The following KAZN variants were observed in gnomAD, a reference collection of about 807,000 sequenced individuals.
KAZN encodes the protein kazrin.
KAZN carries 40 observed loss-of-function variants against 87.4 expected under a neutral mutation model. The observed-to-expected ratio is 0.46, with a 90% CI of 0.36 to 0.60. The LOEUF is 0.60. Among genes scored for constraint, KAZN ranks in the 20% least tolerant of loss-of-function variants. The pLI, the probability that KAZN is intolerant of heterozygous loss-of-function variation, is 0.00. For missense variants in KAZN, 898 were observed against 1,073.9 expected (o/e 0.84, Z 2.29); for synonymous variants, 466 against 458.3 (o/e 1.02, Z -0.22).
At chr1:14,385,401 T>C (rs188555706) in intron 2 of KAZN, among the ~76,000 whole-genome samples, 2 of 152,338 alleles carry the variant, frequency 1.3e-5, no homozygotes, top group East Asian at 3.9e-4. Flanking sequence ...TTAATTGTGA[T>C]GGTAGGGTGT....
chr1:14,611,392 T>A (rs1449036169), intron 1 of KAZN, among the ~76,000 whole-genome samples: 3 of 152,220 alleles, frequency 2.0e-5, no homozygotes, highest in Admixed American at 2.0e-4. Flanking sequence ...TCAAAATGTG[T>A]TGGGGCTTTT....
chr1:14,112,995 C>T (rs138065079), intron 1 of KAZN, among the ~76,000 whole-genome samples: 1 of 152,194 alleles, frequency 6.6e-6, no homozygotes, highest in African/African-American at 2.4e-5. Context: ...AAAGACTTTG[C>T]CCAAGTGTCT....
At chr1:14,049,450 A>G (rs1001155805) in intron 1 of KAZN, among the ~76,000 whole-genome samples, 3 of 152,332 alleles carry the variant, frequency 2.0e-5, no homozygotes, top group Admixed American at 2.0e-4. Flanking sequence ...CATGTACCCT[A>G]AAACTTAAAG....
At chr1:15,106,635 TGATAA>T (rs990222990) in intron 13 of KAZN, among the ~76,000 whole-genome samples, 2 of 152,092 alleles carry the variant, frequency 1.3e-5, no homozygotes, top group African/African-American at 4.8e-5. Context: ...AACCTCTCAA[TGATAA>T]GATAAGAGGG....
At chr1:15,113,235 G>A (rs1371460812) in intron 14 of KAZN, 1 of 152,100 alleles carries the variant, frequency 6.6e-6, no homozygotes, top group African/African-American at 2.4e-5. Flanking sequence ...AATTGGGGCT[G>A]ATATTGCCCC....
chr1:14,659,080 A>C lies in KAZN; in HGVS notation c.226+59857A>C, dbSNP rs183041271. Among the ~76,000 whole-genome samples the C allele has an allele frequency of 3.9e-3, 588 of 152,190 alleles. 14 individuals are homozygous for C. In the East Asian group the frequency reaches 0.042, roughly 11 times the overall value. On this transcript the variant is annotated intron_variant, in intron 1 of 14. Transcript: ENST00000376030. ...TGGTGAAACCCCATCTCTACTGAAAATACAAAAATTACCTGGGCATGGCGG... is the reference window on the plus strand; with the variant it reads ...TGGTGAAACCCCATCTCTACTGAAACTACAAAAATTACCTGGGCATGGCGG...
In KAZN at chr1:14,326,703, C is replaced by A. The variant is rs537557928; in HGVS notation, c.249+146111C>A. Among the ~76,000 whole-genome samples, 19 of 152,334 alleles carry A rather than the reference C, an allele frequency of 1.2e-4. No homozygotes were observed. The South Asian group carries it at 3.9e-3, about 32-fold the overall frequency. Reference sequence around the variant, plus strand: ...CATCCTTCCCTGTGCTTGGGTCACCCTGGACCCCTGAATGTCCCTTAATCT... The same window carrying A: ...CATCCTTCCCTGTGCTTGGGTCACCATGGACCCCTGAATGTCCCTTAATCT... On this transcript the variant is annotated intron_variant, in intron 2 of 16. Transcript: ENST00000636203.
chr1:14,188,546 G>A (rs576086855), intron 2 of KAZN, among the ~76,000 whole-genome samples: 9 of 152,086 alleles, frequency 5.9e-5, no homozygotes, highest in Non-Finnish European at 1.2e-4. Context: ...AGAGTTGTTC[G>A]AATTTCATGA....
At chr1:14,326,678 C>A (rs1656449028) in intron 2 of KAZN, among the ~76,000 whole-genome samples, 1 of 152,204 alleles carries the variant, frequency 6.6e-6, no homozygotes, top group African/African-American at 2.4e-5. Context: ...CCACTCCCTG[C>A]ATCCTTCCCT....
chr1:15,036,019 T>TC (rs925823372), intron 3 of KAZN, among the ~76,000 whole-genome samples: 1 of 151,656 alleles, frequency 6.6e-6, no homozygotes, highest in Non-Finnish European at 1.5e-5. Flanking sequence ...AGATGCTTGG[T>TC]CCCCCCTACC....
At position 14,018,569 on chromosome 1, in the gene KAZN, G is replaced by A. The variant is rs575861294; in HGVS notation, c.91+124813G>A. On this transcript the variant is annotated intron_variant, in intron 1 of 16. Transcript: ENST00000636203. Reference sequence around the variant, plus strand: ...AAGCACTGCCTTTGGGTGTGTCTGTGCGGGTGTTTTCAGAGGAGATTGGCA... The same window carrying A: ...AAGCACTGCCTTTGGGTGTGTCTGTACGGGTGTTTTCAGAGGAGATTGGCA... 3.9e-5 allele frequency among the ~76,000 whole-genome samples: 6 copies of A among 152,290 alleles called. No individual in the cohort carries two copies. In the South Asian group the frequency reaches 1.2e-3, roughly 32 times the overall value.
intron 8 of KAZN, among the ~76,000 whole-genome samples, chr1:15,078,690 A>G (rs1639863940): frequency 6.6e-6 from 1 of 152,200 alleles, no homozygotes; most frequent in Non-Finnish European, 1.5e-5. Context: ...CTGGCTGAAC[A>G]TATTAACAGA....
At chr1:14,173,579 G>C (rs1646001738) in intron 1 of KAZN, among the ~76,000 whole-genome samples, 1 of 152,308 alleles carries the variant, frequency 6.6e-6, no homozygotes, top group Non-Finnish European at 1.5e-5. Flanking sequence ...TTGAGAAAGA[G>C]ATAGCTAACC....
chr1:14,696,801 T>C (rs1368188401), intron 1 of KAZN, among the ~76,000 whole-genome samples: 2 of 152,108 alleles, frequency 1.3e-5, no homozygotes, highest in African/African-American at 2.4e-5. Flanking sequence ...GACCACACCT[T>C]GAGAACCACT....
chr1:15,001,668 T>G (rs145577781), intron 2 of KAZN, among the ~76,000 whole-genome samples: 24 of 152,154 alleles, frequency 1.6e-4, no homozygotes, highest in African/African-American at 5.1e-4. Flanking sequence ...CTCTCCACCC[T>G]GAGCTTGAAC....
chr1:15,105,236 G>C (rs539362475), intron 13 of KAZN, among the ~76,000 whole-genome samples: 7 of 152,206 alleles, frequency 4.6e-5, no homozygotes, highest in Non-Finnish European at 7.3e-5. Context: ...GGAAGGATTG[G>C]TGTTTGTTAT....
chr1:14,217,824 A>G (rs1646992167), intron 2 of KAZN, among the ~76,000 whole-genome samples: 1 of 152,246 alleles, frequency 6.6e-6, no homozygotes, highest in East Asian at 1.9e-4. Flanking sequence ...ATAATAGACA[A>G]TATCAGGCTT....
intron 2 of KAZN, among the ~76,000 whole-genome samples, chr1:14,386,673 C>G (rs547394663): frequency 6.6e-6 from 1 of 152,108 alleles, no homozygotes; most frequent in Non-Finnish European, 1.5e-5. Context: ...GAGTTTCTGC[C>G]GAGATATCCG....
At chr1:14,303,236 C>G (rs938047968) in intron 2 of KAZN, among the ~76,000 whole-genome samples, 3 of 152,086 alleles carry the variant, frequency 2.0e-5, no homozygotes, top group African/African-American at 4.8e-5. Context: ...TGAGCCCAAG[C>G]CTTGACCCAT....
Sources: gnomAD v4.1 joint callset for allele counts (sites outside exome capture counted in the v4.1 genomes callset) on GRCh38, gnomAD v4.1.1 for gene constraint, MANE v1.5 for transcripts, NCBI Gene and HGNC (gene_info 2026-07-23, HGNC 2026-07-21) for gene names.